The following HPSE2 variants were observed in gnomAD, a reference collection of about 807,000 sequenced individuals.
HPSE2 encodes the protein inactive heparanase-2.
A neutral mutation model predicts 60.5 loss-of-function variants in HPSE2; 38 were observed. That is an observed-to-expected ratio of 0.63 (90% confidence interval 0.48 to 0.82). HPSE2 has a LOEUF of 0.82. Among genes scored for constraint, HPSE2 ranks in the 40% least tolerant of loss-of-function variants. HPSE2 has a pLI of 0.00. For missense variants in HPSE2, 713 were observed against 740.4 expected (o/e 0.96, Z 0.43); for synonymous variants, 295 against 293.2 (o/e 1.01, Z -0.06).
chr10:98,548,192 A>C (rs1453872323), intron 9 of HPSE2, among the ~76,000 whole-genome samples: 4 of 152,190 alleles, frequency 2.6e-5, no homozygotes, highest in African/African-American at 7.2e-5. Context: ...CTCACTTCTA[A>C]TAGCTCTTAT....
In HPSE2 at chr10:98,775,392, C is replaced by T. The variant is rs1234427782; in HGVS notation, c.611-31336G>A. On this transcript the variant is annotated intron_variant, in intron 3 of 11. Coordinates refer to ENST00000370552, the MANE Select transcript of HPSE2 (RefSeq NM_021828.5). ...CATTGGGAGAAACCAGTCTCACATA[C>T]ATCGAAGGGTACCAGGATGAAACAT... Among the ~76,000 whole-genome samples, 3 of 152,316 alleles carry T rather than the reference C, an allele frequency of 2.0e-5. No homozygotes were observed. In the East Asian group the frequency reaches 5.8e-4, roughly 29 times the overall value.
At chr10:99,293,321 A>G in the HPSE2 span, among the ~76,000 whole-genome samples, 3 of 152,252 alleles carry the variant, frequency 2.0e-5, no homozygotes, top group South Asian at 6.2e-4. Context: ...TGGATAGGCC[A>G]GAACAGTCAG....
chr10:98,759,137 G>A (rs1358206859), intron 3 of HPSE2, among the ~76,000 whole-genome samples: 5 of 151,978 alleles, frequency 3.3e-5, no homozygotes, highest in Admixed American at 3.3e-4. Context: ...TAAACACTGA[G>A]TATACATGGA....
chr10:99,028,715 C>T (rs1485549773), intron 3 of HPSE2, among the ~76,000 whole-genome samples: 2 of 152,116 alleles, frequency 1.3e-5, no homozygotes, highest in African/African-American at 4.8e-5. Context: ...GGAGAAATCA[C>T]ATTACCTGAC....
chr10:99,291,879 C>G, the HPSE2 span, among the ~76,000 whole-genome samples: 1 of 152,048 alleles, frequency 6.6e-6, no homozygotes, highest in Admixed American at 6.5e-5. Flanking sequence ...ATAGTGGGTT[C>G]CAAACTGTCG....
chr10:99,263,516 C>A, the HPSE2 span, among the ~76,000 whole-genome samples: 1 of 152,208 alleles, frequency 6.6e-6, no homozygotes, highest in South Asian at 2.1e-4. Flanking sequence ...CCGAAGGAAG[C>A]TGGAGTCATT....
intron 3 of HPSE2, among the ~76,000 whole-genome samples, chr10:98,846,728 A>T (rs940927543): frequency 1.3e-5 from 2 of 152,216 alleles, no homozygotes; most frequent in African/African-American, 4.8e-5. Flanking sequence ...CCAAAATGCT[A>T]TGACACATTG....
chr10:99,133,903 G>A (rs554236517), intron 3 of HPSE2, among the ~76,000 whole-genome samples: 5 of 152,252 alleles, frequency 3.3e-5, no homozygotes, highest in African/African-American at 9.6e-5. Context: ...GGCTTCAGAA[G>A]GTGGGTAACA....
At chr10:98,929,180 A>C (rs966469436) in intron 3 of HPSE2, among the ~76,000 whole-genome samples, 2 of 143,260 alleles carry the variant, frequency 1.4e-5, no homozygotes, top group African/African-American at 5.7e-5. Flanking sequence ...CACAAATAGC[A>C]GGCACAAAGT....
At chr10:98,707,098 T>TAA (rs1948566548) in intron 5 of HPSE2, among the ~76,000 whole-genome samples, 549 of 50,278 alleles carry the variant, frequency 0.011, 2 homozygotes, top group African/African-American at 0.016. Flanking sequence ...AATGTAGGAA[T>TAA]GAAAAAAAAA....
chr10:99,181,786 G>A (rs1220421431), intron 2 of HPSE2, among the ~76,000 whole-genome samples: 1 of 152,076 alleles, frequency 6.6e-6, no homozygotes, highest in African/African-American at 2.4e-5. Flanking sequence ...TAGATGACAG[G>A]TTGATGGGTG....
At chr10:99,290,785 C>T in the HPSE2 span, among the ~76,000 whole-genome samples, 385 of 152,260 alleles carry the variant, frequency 2.5e-3, 3 homozygotes, top group African/African-American at 8.6e-3. Context: ...TCTCAAAGGT[C>T]TAATTCAACT....
intron 9 of HPSE2, among the ~76,000 whole-genome samples, chr10:98,566,335 G>A (rs1388537369): frequency 1.3e-5 from 2 of 152,142 alleles, no homozygotes; most frequent in Non-Finnish European, 2.9e-5. Context: ...GATCTTCTTC[G>A]TGGGTATTTC....
intron 3 of HPSE2, among the ~76,000 whole-genome samples, chr10:99,078,917 G>C (rs1843037291): frequency 6.6e-6 from 1 of 152,022 alleles, no homozygotes; most frequent in Admixed American, 6.6e-5. Context: ...GCCACCCTTA[G>C]GCATCAAGAT....
chr10:98,907,306 C>G (rs1953849231), intron 3 of HPSE2, among the ~76,000 whole-genome samples: 1 of 151,980 alleles, frequency 6.6e-6, no homozygotes. Context: ...GGTAAGTAAT[C>G]AATATATGAA....
intron 2 of HPSE2, among the ~76,000 whole-genome samples, chr10:99,173,943 CAAAAAAAAAAAAAA>C (rs61074165): frequency 8.0e-5 from 8 of 99,952 alleles, no homozygotes; most frequent in Non-Finnish European, 7.2e-5. Flanking sequence ...GACTCTGTCT[CAAAAAAAAAAAAAA>C]AAAAAAAAAA....
intron 2 of HPSE2, among the ~76,000 whole-genome samples, chr10:99,209,315 A>G (rs990763796): frequency 2.6e-5 from 4 of 152,204 alleles, no homozygotes; most frequent in African/African-American, 9.7e-5. Context: ...ATAGTATAAA[A>G]CTAGAAACCA....
chr10:99,198,642 T>C (rs890013277), intron 2 of HPSE2, among the ~76,000 whole-genome samples: 1 of 152,224 alleles, frequency 6.6e-6, no homozygotes, highest in African/African-American at 2.4e-5. Flanking sequence ...GTACATATAA[T>C]AAACTTTAGG....
intron 2 of HPSE2, among the ~76,000 whole-genome samples, chr10:99,171,559 T>G (rs1376410046): frequency 6.6e-6 from 1 of 152,098 alleles, no homozygotes; most frequent in Admixed American, 6.6e-5. Flanking sequence ...AAAACAACCT[T>G]ATAAGAAAAT....
Sources: allele counts gnomAD v4.1 joint callset (sites outside exome capture counted in the v4.1 genomes callset), GRCh38; gene constraint gnomAD v4.1.1; transcripts MANE v1.5; gene names NCBI Gene and HGNC (gene_info 2026-07-23, HGNC 2026-07-21).